CALU: variants seen among roughly 807,000 people sequenced by gnomAD.
CALU encodes calumenin.
CALU carries 13 observed loss-of-function variants against 37.5 expected under a neutral mutation model. The observed-to-expected ratio is 0.35, with a 90% confidence interval of 0.23 to 0.55. The LOEUF is 0.55. Among genes scored for constraint, CALU ranks in the 20% least tolerant of loss-of-function variants. The pLI is 0.89. For missense variants in CALU, 282 were observed against 391.7 expected (o/e 0.72, Z 2.36); for synonymous variants, 114 against 133.8 (o/e 0.85, Z 1.02).
At chr7:128,739,732 G>C (rs1800157405) in intron 1 of CALU, among the ~76,000 whole-genome samples, 1 of 152,066 alleles carries the variant, frequency 6.6e-6, no homozygotes, top group African/African-American at 2.4e-5. Flanking sequence ...TCCATCTCTA[G>C]GTCACGCCAC....
intron 5 of CALU, 115 bp from the exon 6 acceptor site, chr7:128,767,341 A>C: frequency 1.3e-6 from 1 of 777,492 alleles, no homozygotes. Context: ...ATACCCTTGT[A>C]GCTGCTGTTG....
Position 128,772,692 on chromosome 7 carries a change from G to C in CALU, c.*3525G>C. 6.2e-7 allele frequency: 1 copy of C among 1,613,838 alleles called. No individual in the cohort carries two copies. The highest frequency in any genetic ancestry group is 1.3e-5 in the African/African-American group (1 of 75,008). Reference sequence around the variant, plus strand: ...GAAAGGTACAATTGGAGATAACCTTGGCAGATGAGGAAGTATGGGAAAAAA... The same window carrying C: ...GAAAGGTACAATTGGAGATAACCTTCGCAGATGAGGAAGTATGGGAAAAAA... On this transcript the variant is annotated 3_prime_UTR_variant, in exon 7 of 7. Coordinates refer to ENST00000249364, the MANE Select transcript of CALU (RefSeq NM_001219.5).
chr7:128,755,031 G>A (rs1393631339), intron 3 of CALU, among the ~76,000 whole-genome samples: 1 of 151,710 alleles, frequency 6.6e-6, no homozygotes, highest in Non-Finnish European at 1.5e-5. Flanking sequence ...ACATTGGGCT[G>A]GGTGCCGATA....
At chr7:128,756,490 G>A (rs1251092347) in intron 3 of CALU, among the ~76,000 whole-genome samples, 1 of 152,222 alleles carries the variant, frequency 6.6e-6, no homozygotes, top group Non-Finnish European at 1.5e-5. Flanking sequence ...TCGGCTTAGA[G>A]AAGTGAGGAG....
At position 128,771,757 on chromosome 7, in the gene CALU, A is replaced by G. The variant is rs1801573432; in HGVS notation, c.*2590A>G. The G allele has an allele frequency of 6.6e-6, 1 of 152,250 alleles. No homozygotes were observed. The highest frequency in any genetic ancestry group is 2.4e-5 in the African/African-American group (1 of 41,456). The allele number at this position is 152,250 out of a possible 1,614,324, so 9.4% of individuals were successfully genotyped here. A position where few individuals can be genotyped will look rare whatever the true frequency, so the allele number is the denominator to read the frequency against. On this transcript the variant is annotated 3_prime_UTR_variant, in exon 7 of 7. Transcript: ENST00000249364. ...TGATACCAAACACAAGCGATTCTGA[A>G]TGTACACACACGTTTATCTATAGAG...
Position 128,748,774 on chromosome 7 carries a change from T to G in CALU, c.191T>G (p.Leu64Arg). 1.2e-6 allele frequency: 2 copies of G among 1,614,152 alleles called. No homozygotes were observed. Among genetic ancestry groups the G allele is most frequent in the Non-Finnish European group, 1.7e-6 (2 of 1,179,988 alleles). ...GAAGAAGCAAAGACCTTTGATCAGC[T>G]GACACCAGAAGAGAGCAAGGAAAGG... ...GAEEAKTFDQ[L>R]TPEESKERLG... Residue 64 changes from leucine to arginine, a missense_variant, in exon 2 of 7, where the codon CTG becomes CGG. By Grantham distance (102) the Leu-to-Arg change is moderately radical. Transcript: ENST00000249364.
intron 3 of CALU, chr7:128,754,724 T>G: frequency 1.3e-6 from 2 of 1,545,110 alleles, no homozygotes; most frequent in Non-Finnish European, 1.8e-6. Flanking sequence ...CTTACCTGGG[T>G]AAGGGGCAAG....
At chr7:128,750,345 A>C (rs1043402522) in intron 2 of CALU, among the ~76,000 whole-genome samples, 5 of 152,148 alleles carry the variant, frequency 3.3e-5, no homozygotes, top group Admixed American at 3.3e-4. Flanking sequence ...CACAGAATTA[A>C]CTCTAAAATA....
chr7:128,749,822 A>G (rs775615933), intron 2 of CALU, among the ~76,000 whole-genome samples: 30 of 152,178 alleles, frequency 2.0e-4, no homozygotes, highest in Non-Finnish European at 3.8e-4. Flanking sequence ...AGCATTTGAA[A>G]GTAGATAGAT....
At position 128,772,310 on chromosome 7, in the gene CALU, A is replaced by G. The variant is rs1304580633; in HGVS notation, c.*3143A>G. 6.6e-6 allele frequency among the ~76,000 whole-genome samples: 1 copy of G among 152,116 alleles called. No homozygotes were observed. Among genetic ancestry groups the G allele is most frequent in the African/African-American group, 2.4e-5 (1 of 41,412 alleles). ...TGGTGCCACTTAGGAGTAGAAACTG[A>G]TGATTGTTGAAATGGCCTTTGGGTG... is the stretch of plus-strand genomic sequence containing the variant. On this transcript the variant is annotated 3_prime_UTR_variant, in exon 7 of 7. Coordinates refer to ENST00000249364, the MANE Select transcript of CALU (RefSeq NM_001219.5).
chr7:128,759,653 GCATACATACATA>G (rs145707443), intron 4 of CALU, 127 bp from the exon 5 acceptor site: 3 of 591,044 alleles, frequency 5.1e-6, no homozygotes, highest in Non-Finnish European at 9.2e-6. Context: ...AGACACACAT[GCATACATACATA>G]CATACATACA....
chr7:128,744,518 A>C (rs1800359173), intron 1 of CALU, among the ~76,000 whole-genome samples: 1 of 152,074 alleles, frequency 6.6e-6, no homozygotes, highest in Non-Finnish European at 1.5e-5. Flanking sequence ...TTTTAAGTAG[A>C]ACTTCTTTAA....
intron 1 of CALU, among the ~76,000 whole-genome samples, chr7:128,743,039 C>T (rs1800298433): frequency 6.6e-6 from 1 of 151,964 alleles, no homozygotes; most frequent in South Asian, 2.1e-4. Context: ...TATAAAATAC[C>T]ATTCTTTCAA....
chr7:128,772,918 A>G lies in CALU; in HGVS notation c.*3751A>G, dbSNP rs1801648502. Reference sequence around the variant, plus strand: ...TTCACAAACCATCCTGCTTCATAAAAGCACTGTCAGCAGAGGCCCCTCCAT... The same window carrying G: ...TTCACAAACCATCCTGCTTCATAAAGGCACTGTCAGCAGAGGCCCCTCCAT... On this transcript the variant is annotated 3_prime_UTR_variant, in exon 7 of 7. Transcript: ENST00000249364. Among the ~76,000 whole-genome samples the G allele has an allele frequency of 6.6e-6, 1 of 152,222 alleles. No individual in the cohort carries two copies. The highest frequency in any genetic ancestry group is 1.5e-5 in the Non-Finnish European group (1 of 68,034).
In CALU at chr7:128,754,312, A is replaced by T; in HGVS notation, c.272A>T (p.Asp91Val). Residue 91 changes from aspartate (D) to valine (V), a missense_variant, in exon 3 of 7, where the codon GAT (aspartate) becomes GTT (valine). Transcript: ENST00000249364. ...GACAAGGACGGGTTTGTCACTGTGG[A>T]TGAGCTCAAAGACTGGATTAAATTT... The part of the protein sequence containing the change: ...DGDKDGFVTV[D>V]ELKDWIKFAQ... 2 of 1,613,892 alleles carry T rather than the reference A, an allele frequency of 1.2e-6. No individual in the cohort carries two copies. The highest frequency in any genetic ancestry group is 1.7e-6 in the Non-Finnish European group (2 of 1,179,918).
At position 128,770,155 on chromosome 7, in the gene CALU, G is replaced by A. The variant is rs1277245692; in HGVS notation, c.*988G>A. 1.3e-5 allele frequency: 2 copies of A among 152,488 alleles called. No individual in the cohort carries two copies. Among genetic ancestry groups the A allele is most frequent in the East Asian group, 1.9e-4 (1 of 5,196 alleles). 9.4% of individuals were successfully genotyped at this position (152,488 alleles called of 1,614,324 possible). On this transcript the variant is annotated 3_prime_UTR_variant, in exon 7 of 7. Transcript: ENST00000249364. ...TCATGTCATTGAAAGTGCCTTTAACGAAAGAAATGGTCACTGAATGGGAAT... is the reference window on the plus strand; with the variant it reads ...TCATGTCATTGAAAGTGCCTTTAACAAAAGAAATGGTCACTGAATGGGAAT...
intron 2 of CALU, among the ~76,000 whole-genome samples, chr7:128,751,836 G>T (rs1800687949): frequency 6.6e-6 from 1 of 152,298 alleles, no homozygotes; most frequent in East Asian, 1.9e-4. Context: ...CAACTGAAGG[G>T]TTTGCTTTAT....
chr7:128,767,714 A>C (rs1801390930), intron 6 of CALU, 59 bp downstream of exon 6: 1 of 1,374,820 alleles, frequency 7.3e-7, no homozygotes, highest in African/African-American at 1.4e-5. Context: ...CTAGGGGATC[A>C]CCTGAACAGT....
Position 128,770,598 on chromosome 7 carries a change from G to T in CALU, c.*1431G>T, listed in dbSNP as rs954184947. Reference sequence around the variant, plus strand: ...TGCCAAAAAAAAAAAAAAAGGAAACGTTTATCATGAATCAACAGGGTTTCA... The same window carrying T: ...TGCCAAAAAAAAAAAAAAAGGAAACTTTTATCATGAATCAACAGGGTTTCA... On this transcript the variant is annotated 3_prime_UTR_variant, in exon 7 of 7. Coordinates refer to ENST00000249364, the MANE Select transcript of CALU (RefSeq NM_001219.5). 1 of 149,486 alleles carries T rather than the reference G, an allele frequency of 6.7e-6. No individual in the cohort carries two copies. Among genetic ancestry groups the T allele is most frequent in the South Asian group, 2.1e-4 (1 of 4,760 alleles). 9.3% of individuals were successfully genotyped at this position (149,486 alleles called of 1,614,324 possible).
Sources: allele counts gnomAD v4.1 joint callset (sites outside exome capture counted in the v4.1 genomes callset), GRCh38; gene constraint gnomAD v4.1.1; transcripts MANE v1.5; gene names NCBI Gene and HGNC (gene_info 2026-07-23, HGNC 2026-07-21).